FGF12: variants seen among roughly 807,000 people sequenced by gnomAD.
FGF12 encodes the protein fibroblast growth factor 12.
Under a neutral mutation model 23.6 loss-of-function variants are expected in FGF12, and 14 were observed. The ratio of observed to expected loss-of-function variants is 0.59; its 90% CI spans 0.39 to 0.93. The LOEUF (loss-of-function observed/expected upper bound fraction) is 0.93, where lower values mean the gene tolerates loss of function less well. Ranked by LOEUF, FGF12 falls within the 40% of genes least tolerant of loss-of-function variation. FGF12 has a pLI of 0.00. For missense variants in FGF12, 175 were observed against 217.8 expected (o/e 0.80, Z 1.24); for synonymous variants, 62 against 77.3 (o/e 0.80, Z 1.04).
chr3:192,158,563 CCTTTCTTTCTCTTT>C (rs1225321991), intron 5 of FGF12, among the ~76,000 whole-genome samples: 59 of 121,578 alleles, frequency 4.9e-4, no homozygotes, highest in Non-Finnish European at 9.1e-4. Context: ...TCCCTCCCTC[CCTTTCTTTCTCTTT>C]CTTTCTTTCT....
chr3:192,573,523 G>T (rs977422065), intron 2 of FGF12, among the ~76,000 whole-genome samples: 1 of 152,018 alleles, frequency 6.6e-6, no homozygotes, highest in South Asian at 2.1e-4. Context: ...CTTTGAACTG[G>T]AGCATCAACT....
intron 2 of FGF12, among the ~76,000 whole-genome samples, chr3:192,547,514 A>C (rs1246200714): frequency 6.6e-6 from 1 of 152,208 alleles, no homozygotes; most frequent in Non-Finnish European, 1.5e-5. Flanking sequence ...ATAAATGATT[A>C]TTATAATTTA....
chr3:192,649,707 C>T (rs1389028752), intron 2 of FGF12, among the ~76,000 whole-genome samples: 4 of 149,272 alleles, frequency 2.7e-5, no homozygotes, highest in Admixed American at 6.7e-5. Flanking sequence ...AGGCGTGCAC[C>T]GTCACATGCC....
At chr3:192,477,007 GA>G (rs1723344643) in intron 2 of FGF12, among the ~76,000 whole-genome samples, 1 of 152,192 alleles carries the variant, frequency 6.6e-6, no homozygotes, top group Non-Finnish European at 1.5e-5. Context: ...AGTGATTACA[GA>G]AGGAAGAATG....
intron 3 of FGF12, among the ~76,000 whole-genome samples, chr3:192,358,098 C>T (rs1409300971): frequency 6.6e-6 from 1 of 151,720 alleles, no homozygotes; most frequent in East Asian, 1.9e-4. Context: ...AATGTTCTAA[C>T]TTATAAAATA....
In FGF12 at chr3:192,651,762, T is replaced by C. The variant is rs546776310; in HGVS notation, c.13+75419A>G. Among the ~76,000 whole-genome samples, 4 of 152,208 alleles carry C rather than the reference T, an allele frequency of 2.6e-5. 1 individual carries two copies. In the South Asian group the frequency reaches 8.3e-4, roughly 31 times the overall value. On this transcript the variant is annotated intron_variant, in intron 2 of 5. Coordinates refer to ENST00000445105, the MANE Select transcript of FGF12 (RefSeq NM_004113.6). The stretch of plus-strand genomic sequence containing the variant: ...AGTTTTCCAAAACACTCATGTGTAA[T>C]GCCTTGTTTAATCTTTGAAACACCG...
rs1410623327 is a variant in FGF12, at chr3:192,214,983, TC to T, written c.229-44328del. Among the ~76,000 whole-genome samples, 5 of 152,074 alleles carry T rather than the reference TC, an allele frequency of 3.3e-5. No individual in the cohort carries two copies. The South Asian group carries it at 6.2e-4, about 19-fold the overall frequency. ...GGAAGAAATTCTTCATGCTTTCAGC[TC>T]CCCCCAGATCTGCTTAAGAGAGCTG... On this transcript the variant is annotated intron_variant, in intron 4 of 5. Coordinates refer to ENST00000445105, the MANE Select transcript of FGF12 (RefSeq NM_004113.6).
intron 2 of FGF12, among the ~76,000 whole-genome samples, chr3:192,622,811 C>T (rs1010510153): frequency 6.6e-6 from 1 of 152,108 alleles, no homozygotes; most frequent in Non-Finnish European, 1.5e-5. Context: ...GACACACACA[C>T]GTGGCTAAAG....
intron 2 of FGF12, among the ~76,000 whole-genome samples, chr3:192,702,612 G>A (rs924315247): frequency 2.0e-5 from 3 of 151,994 alleles, no homozygotes; most frequent in Non-Finnish European, 2.9e-5. Context: ...GGGCAACATG[G>A]CGAAACCCTA....
chr3:192,216,677 C>T (rs1472997991), intron 4 of FGF12, among the ~76,000 whole-genome samples: 1 of 152,164 alleles, frequency 6.6e-6, no homozygotes, highest in Non-Finnish European at 1.5e-5. Context: ...AAATAGTTCT[C>T]TCATTCCTTT....
intron 2 of FGF12, among the ~76,000 whole-genome samples, chr3:192,553,385 T>C (rs952136674): frequency 1.3e-5 from 2 of 152,170 alleles, no homozygotes; most frequent in African/African-American, 4.8e-5. Flanking sequence ...TTACATTTTA[T>C]ATGAAATACT....
At chr3:192,314,286 TTAA>T (rs1228796303) in intron 4 of FGF12, among the ~76,000 whole-genome samples, 5 of 147,894 alleles carry the variant, frequency 3.4e-5, no homozygotes, top group African/African-American at 1.3e-4. Flanking sequence ...AAAATTAAAA[TTAA>T]AAAAAAAACA....
chr3:192,627,021 C>T (rs1168973371), intron 2 of FGF12, among the ~76,000 whole-genome samples: 1 of 152,054 alleles, frequency 6.6e-6, no homozygotes, highest in Non-Finnish European at 1.5e-5. Flanking sequence ...AATACAACTG[C>T]TATTTATTAT....
chr3:192,208,341 T>C (rs1041784038), intron 4 of FGF12, among the ~76,000 whole-genome samples: 3 of 152,186 alleles, frequency 2.0e-5, no homozygotes, highest in African/African-American at 7.2e-5. Context: ...AGTGTGACAA[T>C]ATGAGTAGTC....
At chr3:192,183,799 T>C (rs1716308328) in intron 4 of FGF12, among the ~76,000 whole-genome samples, 2 of 152,328 alleles carry the variant, frequency 1.3e-5, no homozygotes, top group East Asian at 1.9e-4. Flanking sequence ...ATCAAGACCA[T>C]GGCGCTAAAT....
chr3:192,632,126 T>C (rs1038680718), intron 2 of FGF12, among the ~76,000 whole-genome samples: 2 of 152,188 alleles, frequency 1.3e-5, no homozygotes, highest in African/African-American at 4.8e-5. Context: ...GAATTCCATA[T>C]TACACTTACG....
intron 4 of FGF12, among the ~76,000 whole-genome samples, chr3:192,274,838 G>A (rs1285143712): frequency 6.6e-6 from 1 of 152,172 alleles, no homozygotes; most frequent in African/African-American, 2.4e-5. Flanking sequence ...ATCAATCACT[G>A]TGGAAGGCTT....
chr3:192,335,515 T>A, intron 3 of FGF12, 51 bp from the exon 4 acceptor site: 1 of 1,057,732 alleles, frequency 9.5e-7, no homozygotes. Flanking sequence ...TTTGAATAAA[T>A]AATCCTTCTT....
At chr3:192,542,900 G>C (rs1725406426) in intron 2 of FGF12, among the ~76,000 whole-genome samples, 1 of 152,118 alleles carries the variant, frequency 6.6e-6, no homozygotes, top group South Asian at 2.1e-4. Flanking sequence ...TAGAAGAGAG[G>C]TGACACAAAT....
Sources: allele counts gnomAD v4.1 joint callset (sites outside exome capture counted in the v4.1 genomes callset), GRCh38; gene constraint gnomAD v4.1.1; transcripts MANE v1.5; gene names NCBI Gene and HGNC (gene_info 2026-07-23, HGNC 2026-07-21).